Variants in CCDC171 observed in about 807,000 individuals in gnomAD.
CCDC171 encodes the protein coiled-coil domain-containing protein 171.
CCDC171 carries 177 observed loss-of-function variants against 168.2 expected under a neutral mutation model. The ratio of observed to expected loss-of-function variants is 1.05; its 90% CI spans 0.93 to 1.19. The LOEUF (loss-of-function observed/expected upper bound fraction) is 1.19, where lower values mean the gene tolerates loss of function less well. Ranked by LOEUF, CCDC171 falls within the 50% of genes most tolerant of loss-of-function variation. The probability of loss-of-function intolerance (pLI) is 0.00; values close to 1 mark genes in which losing one functional copy is unlikely to be tolerated. For missense variants in CCDC171, 1,991 were observed against 1,539.0 expected (o/e 1.29, Z -4.91); for synonymous variants, 687 against 540.8 (o/e 1.27, Z -3.75).
chr9:15,719,494 A>G (rs1050071905), intron 11 of CCDC171, among the ~76,000 whole-genome samples: 1 of 151,962 alleles, frequency 6.6e-6, no homozygotes. Flanking sequence ...AAAGCTAGAG[A>G]AATATATCAT....
chr9:15,787,377 A>C (rs565235743), intron 21 of CCDC171, among the ~76,000 whole-genome samples: 1 of 152,046 alleles, frequency 6.6e-6, no homozygotes, highest in South Asian at 2.1e-4. Context: ...GCCCATCCCC[A>C]CTCACAGCTT....
intron 9 of CCDC171, among the ~76,000 whole-genome samples, chr9:15,671,974 A>G (rs2049149246): frequency 6.6e-6 from 1 of 152,196 alleles, no homozygotes; most frequent in African/African-American, 2.4e-5. Context: ...CAACAGTGTC[A>G]AAGCATTCCT....
chr9:15,837,831 G>A (rs896915231), intron 21 of CCDC171, among the ~76,000 whole-genome samples: 5 of 152,108 alleles, frequency 3.3e-5, no homozygotes, highest in African/African-American at 7.2e-5. Flanking sequence ...TGGGAAAGCC[G>A]GTACCAACCC....
chr9:15,571,804 AT>A, intron 3 of CCDC171, 45 bp downstream of exon 3: 1 of 1,510,324 alleles, frequency 6.6e-7, no homozygotes, highest in South Asian at 1.3e-5. Flanking sequence ...GTTGAGTTTG[AT>A]TTTTTAGATT....
chr9:15,671,170 T>A (rs2049081074), intron 9 of CCDC171, among the ~76,000 whole-genome samples: 2 of 152,156 alleles, frequency 1.3e-5, no homozygotes, highest in South Asian at 4.1e-4. Context: ...TAAACTGTAT[T>A]AGTTCATGTG....
At chr9:15,737,113 A>G (rs964064263) in intron 16 of CCDC171, among the ~76,000 whole-genome samples, 7 of 152,016 alleles carry the variant, frequency 4.6e-5, no homozygotes, top group African/African-American at 1.4e-4. Flanking sequence ...TTAATACACT[A>G]TATCATAAAT....
intron 6 of CCDC171, among the ~76,000 whole-genome samples, chr9:15,596,827 G>C (rs574096680): frequency 1.3e-5 from 2 of 152,140 alleles, no homozygotes; most frequent in Admixed American, 6.5e-5. Flanking sequence ...TTGTTGAGCA[G>C]TGGTTTGTAG....
intron 10 of CCDC171, among the ~76,000 whole-genome samples, chr9:15,690,339 TGAA>T (rs908962139): frequency 1.3e-5 from 2 of 152,102 alleles, no homozygotes; most frequent in Non-Finnish European, 2.9e-5. Context: ...GACAAAATAA[TGAA>T]GAAAGCAATG....
intron 25 of CCDC171, among the ~76,000 whole-genome samples, chr9:15,960,067 G>A (rs1830196875): frequency 1.3e-5 from 2 of 152,186 alleles, no homozygotes; most frequent in African/African-American, 4.8e-5. Context: ...TTTGAGGCTT[G>A]TATGAGCAGG....
chr9:15,908,607 A>T (rs77564106), intron 24 of CCDC171, among the ~76,000 whole-genome samples: 2,631 of 152,226 alleles, frequency 0.017, 90 homozygotes, highest in African/African-American at 0.061. Flanking sequence ...TATACATATG[A>T]ACTAACCTGC....
At chr9:15,733,799 C>T (rs1027752139) in intron 16 of CCDC171, among the ~76,000 whole-genome samples, 10 of 152,092 alleles carry the variant, frequency 6.6e-5, no homozygotes, top group African/African-American at 9.7e-5. Context: ...GAGACACTTT[C>T]GCCCTGTTGC....
At chr9:15,655,691 G>T (rs1030359738) in intron 7 of CCDC171, among the ~76,000 whole-genome samples, 3 of 152,138 alleles carry the variant, frequency 2.0e-5, no homozygotes, top group African/African-American at 4.8e-5. Flanking sequence ...ATTGTATAAT[G>T]AACTTTTAAA....
chr9:15,589,929 TAACTC>T (rs1452957727), intron 4 of CCDC171, among the ~76,000 whole-genome samples: 2 of 152,054 alleles, frequency 1.3e-5, no homozygotes, highest in South Asian at 2.1e-4. Flanking sequence ...TCAATGAAAA[TAACTC>T]AAGATAACAT....
At chr9:15,649,521 G>T (rs1042045559) in intron 7 of CCDC171, among the ~76,000 whole-genome samples, 13 of 152,104 alleles carry the variant, frequency 8.5e-5, no homozygotes, top group African/African-American at 3.1e-4. Context: ...CTAATATCCA[G>T]AATCTACAAT....
chr9:15,874,418 A>G (rs1397758442), intron 23 of CCDC171, 114 bp from the exon 24 acceptor site: 2 of 787,180 alleles, frequency 2.5e-6, no homozygotes, highest in African/African-American at 1.8e-5. Context: ...TTATTCATGG[A>G]TTTCAGGTCC....
exon 2 of CCDC171, chr9:16,060,819 T>G (rs1405742500): frequency 6.6e-6 from 1 of 152,226 alleles, no homozygotes; most frequent in Non-Finnish European, 1.5e-5. Context: ...GAATATGAAT[T>G]AATAACACAG....
intron 6 of CCDC171, among the ~76,000 whole-genome samples, chr9:16,025,125 C>T (rs556242941): frequency 1.3e-5 from 2 of 152,302 alleles, no homozygotes; most frequent in Admixed American, 6.5e-5. Context: ...CCCCAAATAA[C>T]TGAAAATATA....
chr9:15,568,545 C>T (rs1367776989), intron 2 of CCDC171, among the ~76,000 whole-genome samples: 3 of 152,222 alleles, frequency 2.0e-5, no homozygotes, highest in Non-Finnish European at 2.9e-5. Flanking sequence ...GCTGGGATTA[C>T]AGGCGTGAGC....
intron 11 of CCDC171, among the ~76,000 whole-genome samples, chr9:15,702,117 A>C (rs981267051): frequency 2.0e-5 from 3 of 152,320 alleles, no homozygotes; most frequent in African/African-American, 7.2e-5. Context: ...TACATTGTCA[A>C]TGAACAATAA....
Sources: allele counts gnomAD v4.1 joint callset (sites outside exome capture counted in the v4.1 genomes callset), GRCh38; gene constraint gnomAD v4.1.1; transcripts MANE v1.5; gene names NCBI Gene and HGNC (gene_info 2026-07-23, HGNC 2026-07-21).